SLC7A5: variants seen among roughly 807,000 people sequenced by gnomAD.
SLC7A5 encodes the protein solute carrier family 7 member 5.
In SLC7A5, 23 loss-of-function variants were observed where a neutral mutation model predicts 50.2. The observed-to-expected ratio is 0.46, with a 90% confidence interval of 0.33 to 0.65. The LOEUF is 0.65. Among genes scored for constraint, SLC7A5 ranks in the 30% least tolerant of loss-of-function variants. SLC7A5 has a pLI of 0.02. For missense variants in SLC7A5, 578 were observed against 684.4 expected (o/e 0.84, Z 1.73); for synonymous variants, 393 against 330.6 (o/e 1.19, Z -2.05).
intron 2 of SLC7A5, among the ~76,000 whole-genome samples, chr16:87,850,817 A>G (rs1264421851): frequency 6.6e-6 from 1 of 152,152 alleles, no homozygotes; most frequent in African/African-American, 2.4e-5. Context: ...GCCCGACCTC[A>G]CCGCGGAATG....
chr16:87,866,554 C>A (rs2055463633), intron 1 of SLC7A5, among the ~76,000 whole-genome samples: 1 of 151,968 alleles, frequency 6.6e-6, no homozygotes, highest in Non-Finnish European at 1.5e-5. Context: ...CAACCTCCAC[C>A]TCCTGGGTTC....
chr16:87,833,076 G>A lies in SLC7A5; in HGVS notation c.1469-51C>T, dbSNP rs577713904. On this transcript the variant is annotated intron_variant, in intron 9 of 9. Coordinates refer to ENST00000261622, the MANE Select transcript of SLC7A5 (RefSeq NM_003486.7). This position sits in a 1 kb window ranked among gnomAD's most constrained non-coding sequence, Gnocchi z 6.0. ...TAGCCTGGGGGCTGGGTAGGCACCC[G>A]TGGGACACGGGGGCGTGAGCTGGGG... is the stretch of plus-strand genomic sequence containing the variant. 5.3e-6 allele frequency: 8 copies of A among 1,513,904 alleles called. No individual in the cohort carries two copies. The highest frequency in any genetic ancestry group is 4.1e-5 in the African/African-American group (3 of 73,092). The allele number at this position is 1,513,904 out of a possible 1,614,324, so 93.8% of individuals were successfully genotyped here.
Position 87,869,395 on chromosome 16 carries a change from C to T in SLC7A5, c.28G>A (p.Ala10Thr), listed in dbSNP as rs1438340469. The T allele has an allele frequency of 3.3e-6, 5 of 1,536,446 alleles. No individual in the cohort carries two copies. In the Admixed American group the frequency reaches 7.8e-5, roughly 24 times the overall value. Reference sequence around the variant, plus strand: ...TCCTCGGCCGCCGGCGCCGCTAGCGCGCGCCGCTTCGGGCCCGCACCCGCC... The same window carrying T: ...TCCTCGGCCGCCGGCGCCGCTAGCGTGCGCCGCTTCGGGCCCGCACCCGCC... MAGAGPKRRALAAPAAEEKE... is the reference protein window; with the variant it reads MAGAGPKRRTLAAPAAEEKE... Residue 10 changes from alanine to threonine, a missense_variant, in exon 1 of 10, where the codon GCG becomes ACG. By Grantham distance (58) the Ala-to-Thr change is moderately conservative. This residue lies in a region of SLC7A5 where 113 missense variants were observed against 89.8 expected (regional missense o/e 1.26). Coordinates refer to ENST00000261622, the MANE Select transcript of SLC7A5 (RefSeq NM_003486.7).
At chr16:87,854,250 G>C (rs1158659124) in intron 1 of SLC7A5, among the ~76,000 whole-genome samples, 2 of 152,170 alleles carry the variant, frequency 1.3e-5, no homozygotes, top group East Asian at 3.9e-4. Flanking sequence ...AGTCAGGTGG[G>C]GAGCAAAATG....
rs187637071 is a variant in SLC7A5 at position 87,836,797 on chromosome 16, T to A, written c.1141-150A>T. ...AAGGAGAAACCTCATCTGAGCAACATGCAAGGTCTTGAAGGAGGAAAGGAG... is the reference window on the plus strand; with the variant it reads ...AAGGAGAAACCTCATCTGAGCAACAAGCAAGGTCTTGAAGGAGGAAAGGAG... On this transcript the variant is annotated intron_variant, in intron 7 of 9. Coordinates refer to ENST00000261622, the MANE Select transcript of SLC7A5 (RefSeq NM_003486.7). The A allele has an allele frequency of 2.5e-5, 18 of 724,530 alleles. No homozygotes were observed. In the African/African-American group the frequency reaches 2.8e-4, roughly 11 times the overall value. 44.9% of individuals were successfully genotyped at this position (724,530 alleles called of 1,614,324 possible).
chr16:87,864,964 G>A (rs2055442586), intron 1 of SLC7A5, among the ~76,000 whole-genome samples: 3 of 152,190 alleles, frequency 2.0e-5, no homozygotes, highest in Non-Finnish European at 2.9e-5. Flanking sequence ...TTCAGCCAGA[G>A]CTAATTACCG....
intron 2 of SLC7A5, among the ~76,000 whole-genome samples, chr16:87,849,186 G>A (rs1484314249): frequency 6.6e-5 from 10 of 152,166 alleles, no homozygotes; most frequent in Admixed American, 6.5e-4. Context: ...GCTGCCAGGT[G>A]CCAGCGAGGG....
intron 7 of SLC7A5, chr16:87,837,614 G>A (rs1274202258): frequency 1.5e-5 from 8 of 528,358 alleles, no homozygotes; most frequent in Middle Eastern, 5.1e-4. Flanking sequence ...TCTGCCTCCC[G>A]CATTTCCGAT....
chr16:87,866,999 T>G (rs890845959), intron 1 of SLC7A5, among the ~76,000 whole-genome samples: 34 of 151,756 alleles, frequency 2.2e-4, no homozygotes, highest in Admixed American at 2.2e-3. Context: ...TGGCGGGATC[T>G]CAACTCACTG....
intron 2 of SLC7A5, among the ~76,000 whole-genome samples, chr16:87,846,168 C>G (rs989520873): frequency 6.6e-6 from 1 of 152,202 alleles, no homozygotes. Flanking sequence ...GAGCCACACT[C>G]GAGCCTGGCA....
rs1385235174 is a variant in SLC7A5 at position 87,862,430 on chromosome 16, TGTG to T, written c.538+6452_538+6454del. Among the ~76,000 whole-genome samples, 1 of 152,226 alleles carries T rather than the reference TGTG, an allele frequency of 6.6e-6. No homozygotes were observed. Among genetic ancestry groups the T allele is most frequent in the East Asian group, 1.9e-4 (1 of 5,204 alleles). ...CTTTAGGGAGGGGCTCAGAGACAGT[TGTG>T]GCGATTCCTACTTCCACCCATAGCC... is the stretch of plus-strand genomic sequence containing the variant. On this transcript the variant is annotated intron_variant, in intron 1 of 9. Transcript: ENST00000261622. This position sits in a 1 kb window ranked among gnomAD's most constrained non-coding sequence, Gnocchi z 5.3.
At chr16:87,834,995 G>T (rs1019873996) in intron 8 of SLC7A5, among the ~76,000 whole-genome samples, 2 of 152,244 alleles carry the variant, frequency 1.3e-5, no homozygotes, top group African/African-American at 4.8e-5. Context: ...TGGAGACGCC[G>T]CTGTGGACAG....
At position 87,832,874 on chromosome 16, in the gene SLC7A5, A is replaced by G. The variant is rs1016203827; in HGVS notation, c.*96T>C. 50 of 981,332 alleles carry G rather than the reference A, an allele frequency of 5.1e-5. No homozygotes were observed. The highest frequency in any genetic ancestry group is 7.7e-5 in the Non-Finnish European group (47 of 607,872). 60.8% of individuals were successfully genotyped at this position (981,332 alleles called of 1,614,324 possible). A position where few individuals can be genotyped will look rare whatever the true frequency, so the allele number is the denominator to read the frequency against. ...GGCGAGGGACTGGGATGGGCAGCTG[A>G]GCTGTGGGTTGCGGGGAACCGGAGT... On this transcript the variant is annotated 3_prime_UTR_variant, in exon 10 of 10. Transcript: ENST00000261622. This position sits in a 1 kb window ranked among gnomAD's most constrained non-coding sequence, Gnocchi z 4.6.
chr16:87,841,106 C>T lies in SLC7A5; in HGVS notation c.714G>A (p.Leu238=), dbSNP rs761927151. 4 of 1,613,996 alleles carry T rather than the reference C, an allele frequency of 2.5e-6. No individual in the cohort carries two copies. The South Asian group carries it at 3.3e-5, about 13-fold the overall frequency. The part of the protein sequence containing the change: ...DPNFSFEGTK[L]DVGNIVLALY... Reference sequence around the variant, plus strand: ...ATGCCAGCACAATGTTCCCCACATCCAGTTTGGTGCCTTCAAATGAGAAGT... The same window carrying T: ...ATGCCAGCACAATGTTCCCCACATCTAGTTTGGTGCCTTCAAATGAGAAGT... The change falls in exon 3 of 10, where the codon CTG becomes CTA. Residue 238 remains leucine, a synonymous_variant. Coordinates refer to ENST00000261622, the MANE Select transcript of SLC7A5 (RefSeq NM_003486.7). This position sits in a 1 kb window ranked among gnomAD's most constrained non-coding sequence, Gnocchi z 4.8.
In SLC7A5 at chr16:87,862,340, C is replaced by A. The variant is rs1310654349; in HGVS notation, c.538+6545G>T. ...TGGTCACTGCTAACTGGCCAACTGG[C>A]CTTTGAGTCCACTGACCACAGCTAA... On this transcript the variant is annotated intron_variant, in intron 1 of 9. Transcript: ENST00000261622. The surrounding 1 kb of genome is among the most constrained non-coding windows in gnomAD (Gnocchi z 5.3). Among the ~76,000 whole-genome samples, 2 of 152,168 alleles carry A rather than the reference C, an allele frequency of 1.3e-5. No homozygotes were observed. The highest frequency in any genetic ancestry group is 2.9e-5 in the Non-Finnish European group (2 of 68,014).
chr16:87,837,078 A>C (rs2055016185), intron 7 of SLC7A5, among the ~76,000 whole-genome samples: 1 of 152,256 alleles, frequency 6.6e-6, no homozygotes, highest in Non-Finnish European at 1.5e-5. Context: ...AGGACCGTGC[A>C]GCTGCCAAAG....
At chr16:87,843,870 C>T (rs573981555) in intron 2 of SLC7A5, among the ~76,000 whole-genome samples, 8 of 152,264 alleles carry the variant, frequency 5.3e-5, no homozygotes, top group East Asian at 1.9e-4. Flanking sequence ...CTACCCCTGC[C>T]GGGAGGACAG....
intron 1 of SLC7A5, among the ~76,000 whole-genome samples, chr16:87,854,224 G>A (rs563737141): frequency 4.8e-4 from 73 of 152,220 alleles, no homozygotes; most frequent in Admixed American, 1.6e-3. Context: ...ACAGACAGGC[G>A]GGGGCCGGGT....
At chr16:87,838,900 G>A (rs2055046984) in intron 5 of SLC7A5, 83 bp from the exon 6 acceptor site, 1 of 970,184 alleles carries the variant, frequency 1.0e-6, no homozygotes, top group Non-Finnish European at 1.7e-6. Flanking sequence ...TCTGCACCGG[G>A]CCAGCCCTCG....
Sources: allele counts gnomAD v4.1 joint callset (sites outside exome capture counted in the v4.1 genomes callset), GRCh38; gene constraint gnomAD v4.1.1; regional missense constraint gnomAD v4.1.1; non-coding constraint Gnocchi (gnomAD v3.1); transcripts MANE v1.5; gene names NCBI Gene and HGNC (gene_info 2026-07-23, HGNC 2026-07-21).